The following EPHA7 variants were observed in gnomAD, a reference collection of about 807,000 sequenced individuals.
EPHA7 encodes the protein EPH receptor A7.
In EPHA7, 25 loss-of-function variants were observed where a neutral mutation model predicts 112.6. The ratio of observed to expected loss-of-function variants is 0.22; its 90% CI spans 0.16 to 0.31. The LOEUF (loss-of-function observed/expected upper bound fraction) is 0.31. EPHA7 is among the 10% of genes least tolerant of loss of function. EPHA7 has a pLI of 1.00. For missense variants in EPHA7, 962 were observed against 1,212.6 expected, an observed-to-expected ratio of 0.79 and a Z score of 3.07; for synonymous variants, 437 against 406.5, an observed-to-expected ratio of 1.07 and a Z score of -0.90.
intron 5 of EPHA7, among the ~76,000 whole-genome samples, chr6:93,283,038 C>T (rs374949): frequency 0.028 from 4,233 of 152,252 alleles, 179 homozygotes; most frequent in African/African-American, 0.096. Flanking sequence ...GGCCCCGGTG[C>T]GGGATCCATT....
In EPHA7 at chr6:93,353,138, G is replaced by A. The variant is rs373914909; in HGVS notation, c.1324+3579C>T. The stretch of plus-strand genomic sequence containing the variant: ...AAAGAGAACTTTTAAATATAAGGAA[G>A]AATAAGGGTCATAATGTCATAAATT... On this transcript the variant is annotated intron_variant, in intron 5 of 16. Coordinates refer to ENST00000369303, the MANE Select transcript of EPHA7 (RefSeq NM_004440.4). 6.6e-5 allele frequency among the ~76,000 whole-genome samples: 10 copies of A among 152,010 alleles called. No homozygotes were observed. The East Asian group carries it at 1.9e-3, about 29-fold the overall frequency.
intron 3 of EPHA7, among the ~76,000 whole-genome samples, chr6:93,363,696 G>A (rs1776364601): frequency 6.6e-6 from 1 of 152,144 alleles, no homozygotes; most frequent in African/African-American, 2.4e-5. Context: ...GACCCAAGTA[G>A]TATATTCTAC....
Position 93,240,075 on chromosome 6 carries a change from CTT to C in EPHA7, c.*3349_*3350del, listed in dbSNP as rs1769626582. Reference sequence around the variant, plus strand: ...ATTATTTTAAGCTGGTAAAAAGAGACTTATGATTCATGTTGAAGAAAGAGTTA... The same window carrying C: ...ATTATTTTAAGCTGGTAAAAAGAGACATGATTCATGTTGAAGAAAGAGTTA... On this transcript the variant is annotated 3_prime_UTR_variant, in exon 17 of 17. Transcript: ENST00000369303. 1 of 221,694 alleles carries C rather than the reference CTT, an allele frequency of 4.5e-6. No homozygotes were observed. Among genetic ancestry groups the C allele is most frequent in the African/African-American group, 2.2e-5 (1 of 44,694 alleles). 13.7% of individuals were successfully genotyped at this position (221,694 alleles called of 1,614,324 possible).
At chr6:93,262,362 C>T (rs1770726837) in intron 9 of EPHA7, among the ~76,000 whole-genome samples, 1 of 151,364 alleles carries the variant, frequency 6.6e-6, no homozygotes, top group South Asian at 2.1e-4. Flanking sequence ...ACATTGGGGG[C>T]ATATCAAATA....
At chr6:93,383,796 C>T (rs1278333624) in intron 3 of EPHA7, among the ~76,000 whole-genome samples, 2 of 152,116 alleles carry the variant, frequency 1.3e-5, no homozygotes, top group African/African-American at 4.8e-5. Flanking sequence ...CTCCTGGGCT[C>T]AAGCCATCTG....
At chr6:93,295,245 A>G (rs575866026) in intron 5 of EPHA7, among the ~76,000 whole-genome samples, 1 of 152,188 alleles carries the variant, frequency 6.6e-6, no homozygotes, top group African/African-American at 2.4e-5. Context: ...CAGTTCAACC[A>G]GCCGTTTATG....
At chr6:93,260,086 C>T (rs1310110741) in intron 9 of EPHA7, among the ~76,000 whole-genome samples, 1 of 151,852 alleles carries the variant, frequency 6.6e-6, no homozygotes, top group Non-Finnish European at 1.5e-5. Flanking sequence ...TCTTCACCTT[C>T]AAGGGCAATA....
chr6:93,284,151 T>A (rs1249533767), intron 5 of EPHA7, among the ~76,000 whole-genome samples: 1 of 152,186 alleles, frequency 6.6e-6, no homozygotes, highest in Non-Finnish European at 1.5e-5. Flanking sequence ...GTTTCTATTT[T>A]ATTCTATCTT....
Position 93,254,764 on chromosome 6 carries a change from G to A in EPHA7, c.2415C>T (p.Pro805=), listed in dbSNP as rs781529358. 76 of 1,612,120 alleles carry A rather than the reference G, an allele frequency of 4.7e-5. No homozygotes were observed. Among genetic ancestry groups the A allele is most frequent in the Non-Finnish European group, 5.3e-5 (63 of 1,178,876 alleles). The change falls in exon 14 of 17, where the codon CCC becomes CCT. Residue 805 remains proline (P), a synonymous_variant. Transcript: ENST00000369303. ...TGAATTTCCGGTACTGGATGGCTTC[G>A]GGTGCTGTCCACCTTACTGGAATTT... ...GGKIPVRWTA[P]EAIQYRKFTS... is the part of the protein sequence containing the mutation.
chr6:93,350,072 A>C (rs540490592), intron 5 of EPHA7, among the ~76,000 whole-genome samples: 1 of 152,026 alleles, frequency 6.6e-6, no homozygotes, highest in Non-Finnish European at 1.5e-5. Context: ...CTGAGAAATT[A>C]GATCTGGGCA....
chr6:93,336,550 G>C lies in EPHA7; in HGVS notation c.1324+20167C>G, dbSNP rs567989427. On this transcript the variant is annotated intron_variant, in intron 5 of 16. Coordinates refer to ENST00000369303, the MANE Select transcript of EPHA7 (RefSeq NM_004440.4). ...CCCGAGTAGCTGGGACTACAGGCAC[G>C]TGCCACCACGCCTAGCTATTTTTTT... 3.1e-4 allele frequency among the ~76,000 whole-genome samples: 47 copies of C among 152,076 alleles called. No individual in the cohort carries two copies. The East Asian group carries it at 4.7e-3, about 15-fold the overall frequency.
chr6:93,361,854 T>C (rs1420769638), intron 3 of EPHA7, among the ~76,000 whole-genome samples: 2 of 152,132 alleles, frequency 1.3e-5, no homozygotes, highest in Non-Finnish European at 2.9e-5. Context: ...CCCTTTGATA[T>C]AGTATGTACC....
intron 5 of EPHA7, among the ~76,000 whole-genome samples, chr6:93,305,863 A>C (rs1247402869): frequency 6.6e-6 from 1 of 151,950 alleles, no homozygotes; most frequent in Non-Finnish European, 1.5e-5. Flanking sequence ...ATGGTCACAC[A>C]GATATAATAG....
At chr6:93,393,616 C>G (rs981644719) in intron 3 of EPHA7, among the ~76,000 whole-genome samples, 2 of 151,832 alleles carry the variant, frequency 1.3e-5, no homozygotes, top group Admixed American at 1.3e-4. Flanking sequence ...AGACTGAAAT[C>G]TCTAAGCTCC....
At chr6:93,282,543 G>A (rs1430165227) in intron 5 of EPHA7, among the ~76,000 whole-genome samples, 2 of 152,244 alleles carry the variant, frequency 1.3e-5, no homozygotes, top group African/African-American at 4.8e-5. Context: ...CGCCTACTCT[G>A]GCCACACTTG....
At position 93,243,316 on chromosome 6, in the gene EPHA7, T is replaced by G; in HGVS notation, c.*110A>C. 1 of 719,516 alleles carries G rather than the reference T, an allele frequency of 1.4e-6. No homozygotes were observed. The highest frequency in any genetic ancestry group is 2.3e-6 in the Non-Finnish European group (1 of 435,358). The allele number at this position is 719,516 out of a possible 1,614,324, so 44.6% of individuals were successfully genotyped here. On this transcript the variant is annotated 3_prime_UTR_variant, in exon 17 of 17. Transcript: ENST00000369303. The stretch of plus-strand genomic sequence containing the variant: ...GCTTCTTAAATCTTCTCTTCACTGT[T>G]GGAAGGACCCAGGACATCACTTGTC...
At chr6:93,413,635 T>C (rs499034) in intron 2 of EPHA7, among the ~76,000 whole-genome samples, 86,990 of 151,740 alleles carry the variant, frequency 0.57, 26,628 homozygotes, top group African/African-American at 0.79. Context: ...AAAATGGTTG[T>C]CATTGATTTA....
chr6:93,394,506 A>T (rs1006563812), intron 3 of EPHA7, among the ~76,000 whole-genome samples: 1 of 151,754 alleles, frequency 6.6e-6, no homozygotes, highest in Non-Finnish European at 1.5e-5. Context: ...CTGTATGATT[A>T]GGTTCAGGAA....
At chr6:93,390,582 A>G (rs1299752905) in intron 3 of EPHA7, among the ~76,000 whole-genome samples, 2 of 151,638 alleles carry the variant, frequency 1.3e-5, no homozygotes, top group African/African-American at 4.8e-5. Flanking sequence ...AAAAAAAAAA[A>G]AAGTTTATAC....
Sources: gnomAD v4.1 joint callset for allele counts (sites outside exome capture counted in the v4.1 genomes callset) on GRCh38, gnomAD v4.1.1 for gene constraint, MANE v1.5 for transcripts, NCBI Gene and HGNC (gene_info 2026-07-23, HGNC 2026-07-21) for gene names.